ACACA: variants seen among roughly 807,000 people sequenced by gnomAD.
ACACA encodes acetyl-CoA carboxylase alpha.
In ACACA, 103 loss-of-function variants were observed where a neutral mutation model predicts 296.1. That is an observed-to-expected ratio of 0.35 (90% CI 0.30 to 0.41). The LOEUF is 0.41. Among genes scored for constraint, ACACA ranks in the 10% least tolerant of loss-of-function variants. The pLI, the probability that ACACA is intolerant of heterozygous loss-of-function variation, is 1.00. For synonymous variants in ACACA, 953 were observed against 1,038.6 expected (o/e 0.92, Z 1.58); for missense variants, 1,554 against 2,989.7 (o/e 0.52, Z 11.20).
intron 1 of ACACA, chr17:37,376,104 C>T: frequency 6.2e-7 from 1 of 1,612,942 alleles, no homozygotes; most frequent in Non-Finnish European, 8.5e-7. Context: ...TGGATACCAT[C>T]TTGGTCTTCA....
chr17:37,153,574 A>G (rs950669101), intron 43 of ACACA, among the ~76,000 whole-genome samples: 1 of 152,226 alleles, frequency 6.6e-6, no homozygotes, highest in African/African-American at 2.4e-5. Context: ...GCTGATTCCA[A>G]GGTTTGAGAG....
chr17:37,240,805 C>G (rs2080356943), intron 23 of ACACA, among the ~76,000 whole-genome samples: 1 of 152,150 alleles, frequency 6.6e-6, no homozygotes, highest in Non-Finnish European at 1.5e-5. Flanking sequence ...CCTACCAACA[C>G]CTTGATTCAG....
chr17:37,246,416 CCTT>C (rs1257578575), intron 19 of ACACA, among the ~76,000 whole-genome samples: 1 of 151,918 alleles, frequency 6.6e-6, no homozygotes, highest in African/African-American at 2.4e-5. Context: ...CAATCTGTTA[CCTT>C]TTTTTTTAAT....
At chr17:37,213,297 G>C (rs1160503156) in intron 29 of ACACA, among the ~76,000 whole-genome samples, 1 of 146,668 alleles carries the variant, frequency 6.8e-6, no homozygotes, top group Non-Finnish European at 1.5e-5. Flanking sequence ...TGAGGTTGCA[G>C]TGAGCCAAGA....
intron 52 of ACACA, among the ~76,000 whole-genome samples, chr17:37,100,069 T>C (rs2073268080): frequency 6.6e-6 from 1 of 152,038 alleles, no homozygotes. Context: ...AGTAATTAAA[T>C]GAGGGAGAAG....
chr17:37,217,260 CAAAAAAAAAA>C (rs34419580), intron 29 of ACACA, among the ~76,000 whole-genome samples: 2 of 42,526 alleles, frequency 4.7e-5, no homozygotes, highest in Non-Finnish European at 9.1e-5. Context: ...AACTCTATCT[CAAAAAAAAAA>C]AAAAAAAAAA....
At chr17:37,211,283 C>G (rs1362341004) in intron 29 of ACACA, among the ~76,000 whole-genome samples, 1 of 152,132 alleles carries the variant, frequency 6.6e-6, no homozygotes, top group Admixed American at 6.5e-5. Flanking sequence ...AAAACCTTAT[C>G]TAAATTTGAC....
In ACACA at chr17:37,244,583, C is replaced by T; in HGVS notation, c.2742+5G>A. ...CATCCCTTCCCCAGGAGACGTGATA[C>T]ATACCTTGCTGCTAAAGAAAGGATC... On this transcript the variant is annotated splice_donor_5th_base_variant and intron_variant, in intron 21 of 55. Transcript: ENST00000616317. The T allele has an allele frequency of 6.2e-7, 1 of 1,614,060 alleles. No individual in the cohort carries two copies. Among genetic ancestry groups the T allele is most frequent in the Non-Finnish European group, 8.5e-7 (1 of 1,179,918 alleles).
chr17:37,122,789 A>T (rs2074591971), intron 48 of ACACA, 162 bp from the exon 49 acceptor site: 2 of 708,724 alleles, frequency 2.8e-6, no homozygotes, highest in Non-Finnish European at 5.1e-6. Flanking sequence ...GACTCTACGG[A>T]TTTGATATTT....
At chr17:37,285,406 G>A (rs1230704951) in intron 3 of ACACA, among the ~76,000 whole-genome samples, 1 of 152,078 alleles carries the variant, frequency 6.6e-6, no homozygotes, top group African/African-American at 2.4e-5. Context: ...TTTTACCTGG[G>A]TATCTCCTAG....
Position 37,159,093 on chromosome 17 carries a change from A to C in ACACA, c.5349+2688T>G, listed in dbSNP as rs146722779. Among the ~76,000 whole-genome samples the C allele has an allele frequency of 5.2e-3, 784 of 152,000 alleles. 8 individuals are homozygous for C. Among genetic ancestry groups the C allele is most frequent in the African/African-American group, 0.018 (761 of 41,390 alleles). ...CTTGAGAGGTGGAGGTGGGAGGATC[A>C]CTTGAGCCCAGGAGTTGGCAGATAC... is the stretch of plus-strand genomic sequence containing the variant. On this transcript the variant is annotated intron_variant, in intron 42 of 55. Coordinates refer to ENST00000616317, the MANE Select transcript of ACACA (RefSeq NM_198834.3).
chr17:37,174,614 C>A (rs534643618), intron 41 of ACACA, among the ~76,000 whole-genome samples: 150 of 151,952 alleles, frequency 9.9e-4, no homozygotes, highest in Non-Finnish European at 2.0e-3. Flanking sequence ...CTCACTGCAA[C>A]CTCTGCCTCC....
intron 1 of ACACA, among the ~76,000 whole-genome samples, chr17:37,380,086 T>C (rs2050179589): frequency 6.6e-6 from 1 of 152,034 alleles, no homozygotes; most frequent in African/African-American, 2.4e-5. Flanking sequence ...CATGGAATAC[T>C]ATGCAGCCAT....
chr17:37,372,659 C>T (rs561288252), intron 1 of ACACA, among the ~76,000 whole-genome samples: 1 of 152,248 alleles, frequency 6.6e-6, no homozygotes, highest in East Asian at 1.9e-4. Flanking sequence ...AGTTCCTACT[C>T]TCTTCCAACG....
chr17:37,169,969 G>A (rs776380417), intron 41 of ACACA, among the ~76,000 whole-genome samples: 5 of 152,114 alleles, frequency 3.3e-5, no homozygotes, highest in Admixed American at 1.3e-4. Flanking sequence ...TGCCAGTGTC[G>A]TCTTCTCTGA....
chr17:37,252,868 T>C lies in ACACA; in HGVS notation c.1977+18A>G, dbSNP rs2081058570. 1.2e-6 allele frequency: 2 copies of C among 1,614,034 alleles called. No homozygotes were observed. Among genetic ancestry groups the C allele is most frequent in the Non-Finnish European group, 8.5e-7 (1 of 1,180,014 alleles). ...ATAAAAACCCAATCCCAGCATCTGT[T>C]TGTGGAGAAATACACACCTGTACTT... On this transcript the variant is annotated intron_variant, in intron 15 of 55. Transcript: ENST00000616317.
intron 2 of ACACA, among the ~76,000 whole-genome samples, chr17:37,335,717 T>C (rs554991619): frequency 1.3e-5 from 2 of 152,326 alleles, no homozygotes; most frequent in African/African-American, 4.8e-5. Flanking sequence ...TACTACAAAC[T>C]GTCTCAAGAA....
intron 11 of ACACA, among the ~76,000 whole-genome samples, chr17:37,263,107 G>T (rs1219941869): frequency 6.6e-6 from 1 of 152,136 alleles, no homozygotes; most frequent in Non-Finnish European, 1.5e-5. Flanking sequence ...ATAGGAAATA[G>T]ACCTCTAACA....
intron 30 of ACACA, among the ~76,000 whole-genome samples, chr17:37,208,962 C>T (rs1004783569): frequency 2.0e-5 from 3 of 152,198 alleles, no homozygotes; most frequent in African/African-American, 7.2e-5. Flanking sequence ...TATCTGGGTA[C>T]ATATTGTACC....
Sources: allele counts gnomAD v4.1 joint callset (sites outside exome capture counted in the v4.1 genomes callset), GRCh38; gene constraint gnomAD v4.1.1; transcripts MANE v1.5; gene names NCBI Gene and HGNC (gene_info 2026-07-23, HGNC 2026-07-21).